FRMD5: variants seen among roughly 807,000 people sequenced by gnomAD.
FRMD5 encodes FERM domain-containing protein 5.
A neutral mutation model predicts 69.0 loss-of-function variants in FRMD5; 20 were observed. That is an observed-to-expected ratio of 0.29 (90% CI 0.20 to 0.42). The LOEUF (loss-of-function observed/expected upper bound fraction) is 0.42. Ranked by LOEUF, FRMD5 falls within the 10% of genes least tolerant of loss-of-function variation. The pLI is 1.00. For synonymous variants in FRMD5, 271 were observed against 260.1 expected, an observed-to-expected ratio of 1.04 and a Z score of -0.40; for missense variants, 595 against 708.6, an observed-to-expected ratio of 0.84 and a Z score of 1.82.
At chr15:44,143,791 G>A (rs949076006) in intron 1 of FRMD5, among the ~76,000 whole-genome samples, 1 of 151,264 alleles carries the variant, frequency 6.6e-6, no homozygotes, top group Non-Finnish European at 1.5e-5. Flanking sequence ...CGGGCGTGGC[G>A]GCACGCACCT....
chr15:44,061,264 A>G (rs2140379842), intron 1 of FRMD5, among the ~76,000 whole-genome samples: 1 of 152,208 alleles, frequency 6.6e-6, no homozygotes, highest in South Asian at 2.1e-4. Flanking sequence ...TAGTTACTTA[A>G]CTCTGACTCC....
chr15:44,048,828 T>C (rs1892539564), intron 1 of FRMD5, among the ~76,000 whole-genome samples: 1 of 152,136 alleles, frequency 6.6e-6, no homozygotes, highest in Non-Finnish European at 1.5e-5. Flanking sequence ...TGCCTCAGCC[T>C]CCCAAAGTGC....
At chr15:44,013,743 G>A (rs1890828912) in intron 1 of FRMD5, among the ~76,000 whole-genome samples, 2 of 151,902 alleles carry the variant, frequency 1.3e-5, no homozygotes, top group South Asian at 2.1e-4. Flanking sequence ...TTAAGTTTCA[G>A]TTACCCTCGA....
At chr15:44,035,091 A>G (rs1891848827) in intron 1 of FRMD5, among the ~76,000 whole-genome samples, 1 of 152,090 alleles carries the variant, frequency 6.6e-6, no homozygotes, top group Admixed American at 6.5e-5. Flanking sequence ...AAAATTTCTG[A>G]TGTAGCATAT....
chr15:44,151,128 TG>T (rs2077439552), intron 1 of FRMD5, among the ~76,000 whole-genome samples: 1 of 151,794 alleles, frequency 6.6e-6, no homozygotes, highest in African/African-American at 2.4e-5. Flanking sequence ...CCGGGCGTGG[TG>T]GCTTATGCCT....
Position 44,182,624 on chromosome 15 carries a change from C to T in FRMD5, c.102+12329G>A, listed in dbSNP as rs1397266077. Among the ~76,000 whole-genome samples the T allele has an allele frequency of 2.6e-5, 4 of 151,974 alleles. No homozygotes were observed. The East Asian group carries it at 5.9e-4, about 22-fold the overall frequency. On this transcript the variant is annotated intron_variant, in intron 1 of 13. Transcript: ENST00000417257. ...TACAGGTGTAAGCCACCGCATCAGGCCCATTTGCATTATTTAATAATCATT... is the reference window on the plus strand; with the variant it reads ...TACAGGTGTAAGCCACCGCATCAGGTCCATTTGCATTATTTAATAATCATT...
chr15:44,063,858 C>A, intron 1 of FRMD5: 1 of 276,194 alleles, frequency 3.6e-6, no homozygotes, highest in South Asian at 3.8e-5. Flanking sequence ...ACGGGGGAAC[C>A]AAAAAGGTCA....
intron 1 of FRMD5, among the ~76,000 whole-genome samples, chr15:44,009,341 G>A (rs1890608647): frequency 6.6e-6 from 1 of 152,112 alleles, no homozygotes; most frequent in Non-Finnish European, 1.5e-5. Flanking sequence ...GAGTGAAAAA[G>A]AAATCTTAAA....
At chr15:44,129,919 G>A (rs2077075312) in intron 1 of FRMD5, among the ~76,000 whole-genome samples, 1 of 152,176 alleles carries the variant, frequency 6.6e-6, no homozygotes, top group African/African-American at 2.4e-5. Flanking sequence ...AAGCACATGG[G>A]TCAGCAAACT....
intron 1 of FRMD5, among the ~76,000 whole-genome samples, chr15:43,939,177 GATTT>G (rs1361670042): frequency 1.3e-5 from 2 of 152,088 alleles, no homozygotes; most frequent in East Asian, 1.9e-4. Context: ...CCAGCCAATA[GATTT>G]ATTTTTTGAT....
intron 1 of FRMD5, among the ~76,000 whole-genome samples, chr15:43,972,229 C>T (rs375732449): frequency 1.3e-5 from 2 of 152,020 alleles, no homozygotes; most frequent in African/African-American, 4.8e-5. Flanking sequence ...CCAACCAACT[C>T]CATCTCTCTC....
intron 1 of FRMD5, among the ~76,000 whole-genome samples, chr15:44,080,492 T>C (rs1212024590): frequency 6.6e-6 from 1 of 152,150 alleles, no homozygotes; most frequent in Non-Finnish European, 1.5e-5. Flanking sequence ...TTTACATTTC[T>C]CTACTCAAAA....
intron 1 of FRMD5, among the ~76,000 whole-genome samples, chr15:43,928,970 T>G (rs1417953662): frequency 6.6e-6 from 1 of 152,220 alleles, no homozygotes; most frequent in Non-Finnish European, 1.5e-5. Context: ...CAAAATAACT[T>G]ATTAAGCACT....
chr15:43,911,722 C>T (rs896950847), intron 4 of FRMD5, among the ~76,000 whole-genome samples: 1 of 152,168 alleles, frequency 6.6e-6, no homozygotes, highest in African/African-American at 2.4e-5. Context: ...CCTTTAAATT[C>T]GAACAGTCTG....
chr15:43,905,112 T>C (rs1329070138), intron 6 of FRMD5, among the ~76,000 whole-genome samples: 2 of 151,632 alleles, frequency 1.3e-5, no homozygotes, highest in Non-Finnish European at 2.9e-5. Flanking sequence ...CCTGCCCTTT[T>C]TCACATCCTC....
intron 1 of FRMD5, among the ~76,000 whole-genome samples, chr15:43,992,343 C>CTT (rs5812259): frequency 3.6e-4 from 49 of 134,940 alleles, no homozygotes; most frequent in African/African-American, 1.3e-3. Context: ...GTTGTAAATT[C>CTT]TTTTTTTTTT....
rs550257796 is a variant in FRMD5 at position 44,055,316 on chromosome 15, A to G, written c.103-131007T>C. Among the ~76,000 whole-genome samples, 11 of 152,308 alleles carry G rather than the reference A, an allele frequency of 7.2e-5. No homozygotes were observed. The East Asian group carries it at 2.1e-3, about 29-fold the overall frequency. ...TAGTAGCACTGTAGAAGCATCAAAC[A>G]CAAGAACAATTATTTGGACTCCAGA... is the stretch of plus-strand genomic sequence containing the variant. On this transcript the variant is annotated intron_variant, in intron 1 of 13. Coordinates refer to ENST00000417257, the MANE Select transcript of FRMD5 (RefSeq NM_032892.5).
At position 43,974,588 on chromosome 15, in the gene FRMD5, C is replaced by T. The variant is rs146192591; in HGVS notation, c.103-50279G>A. On this transcript the variant is annotated intron_variant, in intron 1 of 13. Coordinates refer to ENST00000417257, the MANE Select transcript of FRMD5 (RefSeq NM_032892.5). ...TTCTGTAAGCTTTTCTAAGAGAGGG[C>T]GGTGCCTTATCCATTTTGGTGATTC... is the stretch of plus-strand genomic sequence containing the variant. 2.6e-4 allele frequency among the ~76,000 whole-genome samples: 40 copies of T among 152,286 alleles called. 1 individual carries two copies. The East Asian group carries it at 7.1e-3, about 27-fold the overall frequency.
chr15:44,085,113 C>A (rs1183385265), intron 1 of FRMD5, among the ~76,000 whole-genome samples: 1 of 152,092 alleles, frequency 6.6e-6, no homozygotes, highest in African/African-American at 2.4e-5. Context: ...TTGGCAATTG[C>A]AACAATCAGT....
Sources: allele counts gnomAD v4.1 joint callset (sites outside exome capture counted in the v4.1 genomes callset), GRCh38; gene constraint gnomAD v4.1.1; transcripts MANE v1.5; gene names NCBI Gene and HGNC (gene_info 2026-07-23, HGNC 2026-07-21).